Variants in RFWD3 observed in about 807,000 individuals in gnomAD.
RFWD3 encodes the protein ring finger and WD repeat domain 3.
Under a neutral mutation model 87.7 loss-of-function variants are expected in RFWD3, and 65 were observed. That is an observed-to-expected ratio of 0.74 (90% CI 0.61 to 0.91). The LOEUF is 0.91. RFWD3 is among the 40% of genes least tolerant of loss of function. The pLI, the probability that RFWD3 is intolerant of heterozygous loss-of-function variation, is 0.00. For synonymous variants in RFWD3, 433 were observed against 352.8 expected (o/e 1.23, Z -2.55); for missense variants, 1,078 against 938.5 (o/e 1.15, Z -1.94).
intron 11 of RFWD3, among the ~76,000 whole-genome samples, chr16:74,627,556 G>A (rs1958973790): frequency 6.6e-6 from 1 of 152,104 alleles, no homozygotes; most frequent in African/African-American, 2.4e-5. Flanking sequence ...CCTCCTTTGT[G>A]TCTCACCTGA....
At position 74,623,077 on chromosome 16, in the gene RFWD3, T is replaced by C. The variant is rs146756215; in HGVS notation, c.*851A>G. On this transcript the variant is annotated 3_prime_UTR_variant, in exon 13 of 13. Coordinates refer to ENST00000361070, the MANE Select transcript of RFWD3 (RefSeq NM_018124.4). Reference sequence around the variant, plus strand: ...TAAAAGCTTTGACCTATCACTCATCTTTTCCTGGCAAGAGATAGTGTTCTT... The same window carrying C: ...TAAAAGCTTTGACCTATCACTCATCCTTTCCTGGCAAGAGATAGTGTTCTT... 3.9e-5 allele frequency: 6 copies of C among 152,322 alleles called. 1 individual carries two copies. Among genetic ancestry groups the C allele is most frequent in the African/African-American group, 1.4e-4 (6 of 41,572 alleles). 9.4% of individuals were successfully genotyped at this position (152,322 alleles called of 1,614,324 possible). A position where few individuals can be genotyped will look rare whatever the true frequency, so the allele number is the denominator to read the frequency against.
At chr16:74,634,825 G>C (rs1959180371) in intron 8 of RFWD3, among the ~76,000 whole-genome samples, 2 of 151,824 alleles carry the variant, frequency 1.3e-5, no homozygotes, top group Admixed American at 6.6e-5. Flanking sequence ...AAGGGGGGAA[G>C]GGGGGCGCAG....
chr16:74,659,183 T>G (rs1961236621), intron 2 of RFWD3, among the ~76,000 whole-genome samples: 1 of 152,210 alleles, frequency 6.6e-6, no homozygotes, highest in South Asian at 2.1e-4. Context: ...CAAGTCACTG[T>G]GCTTGACCAA....
At position 74,626,225 on chromosome 16, in the gene RFWD3, G is replaced by C; in HGVS notation, c.2181+118C>G. 4.7e-6 allele frequency: 4 copies of C among 852,670 alleles called. No individual in the cohort carries two copies. The South Asian group carries it at 6.2e-5, about 13-fold the overall frequency. 52.8% of individuals were successfully genotyped at this position (852,670 alleles called of 1,614,324 possible). A position where few individuals can be genotyped will look rare whatever the true frequency, so the allele number is the denominator to read the frequency against. On this transcript the variant is annotated intron_variant, in intron 12 of 12. Transcript: ENST00000361070. ...ACATATGCGGATATGTGGGATTACA[G>C]AGCAGAACTTACACTTTTTTGCTAT...
In RFWD3 at chr16:74,624,043, A is replaced by G; in HGVS notation, c.2210T>C (p.Leu737Pro). 6.2e-7 allele frequency: 1 copy of G among 1,613,770 alleles called. No homozygotes were observed. The highest frequency in any genetic ancestry group is 2.2e-5 in the East Asian group (1 of 44,858). The change falls in exon 13 of 13, where the codon CTC becomes CCC. Residue 737 changes from leucine (L) to proline (P), a missense_variant. By Grantham distance (98) the Leu-to-Pro change is moderately conservative (BLOSUM62 -3). Coordinates refer to ENST00000361070, the MANE Select transcript of RFWD3 (RefSeq NM_018124.4). ...AGGCTGATCGGTCTGTAGGTCCTGG[A>G]GCAACGAGCCACTGGCAGCATCCCA... ...LLWDAASGSL[L>P]QDLQTDQPVL...
chr16:74,645,084 A>G (rs1567577747), intron 4 of RFWD3, among the ~76,000 whole-genome samples: 1 of 152,280 alleles, frequency 6.6e-6, no homozygotes, highest in Non-Finnish European at 1.5e-5. Context: ...AATGCTTACA[A>G]GAAAACACAA....
At chr16:74,663,104 CTG>C (rs1961591703) in intron 1 of RFWD3, among the ~76,000 whole-genome samples, 1 of 152,042 alleles carries the variant, frequency 6.6e-6, no homozygotes, top group African/African-American at 2.4e-5. Context: ...CGGGGTTTCA[CTG>C]TGTTAGCCAG....
intron 4 of RFWD3, among the ~76,000 whole-genome samples, chr16:74,648,902 T>C (rs1024045049): frequency 7.9e-5 from 12 of 151,924 alleles, no homozygotes; most frequent in South Asian, 4.2e-4. Flanking sequence ...CTGGGTAATA[T>C]AGTGAGACTC....
At position 74,661,361 on chromosome 16, in the gene RFWD3, T is replaced by C. The variant is rs549873711; in HGVS notation, c.89A>G (p.Gln30Arg). The change falls in exon 2 of 13, where the codon CAA (glutamine) becomes CGA (arginine). Residue 30 changes from glutamine (Q) to arginine (R), a missense_variant. Physicochemically the swap from Gln to Arg is conservative, Grantham distance 43. Transcript: ENST00000361070. ...QPAPAGMASS[Q>R]GGPALLQPVP... ...AGGCTGGAGGAGGGCTGGTCCCCCT[T>C]GGCTGCTGGCCATGCCAGCAGGAGC... 7 of 1,614,060 alleles carry C rather than the reference T, an allele frequency of 4.3e-6. No individual in the cohort carries two copies. In the South Asian group the frequency reaches 6.6e-5, roughly 15 times the overall value.
intron 2 of RFWD3, among the ~76,000 whole-genome samples, chr16:74,657,821 T>C (rs1436478671): frequency 6.6e-6 from 1 of 152,172 alleles, no homozygotes; most frequent in Non-Finnish European, 1.5e-5. Context: ...ACTCCATTTC[T>C]TGAGATTCTA....
intron 9 of RFWD3, among the ~76,000 whole-genome samples, chr16:74,631,165 T>C (rs565070292): frequency 1.3e-5 from 2 of 152,294 alleles, no homozygotes; most frequent in South Asian, 4.1e-4. Context: ...CAGGTTTTCC[T>C]CTTGAGTTCT....
At position 74,636,445 on chromosome 16, in the gene RFWD3, T is replaced by C. The variant is rs781011921; in HGVS notation, c.1327A>G (p.Thr443Ala). Residue 443 changes from threonine to alanine, a missense_variant, in exon 8 of 13, where the codon ACA (threonine) becomes GCA (alanine). Transcript: ENST00000361070. ...CGGCAGTTTCCTGCCTGAGATACTG[T>C]GAAGGTCTTTTGGAAGTGGTACTTG... is the stretch of plus-strand genomic sequence containing the variant. The part of the protein sequence containing the change: ...KHKYHFQKTF[T>A]VSQAGNCRIM... 20 of 1,614,124 alleles carry C rather than the reference T, an allele frequency of 1.2e-5. No homozygotes were observed. In the South Asian group the frequency reaches 2.0e-4, roughly 16 times the overall value.
intron 4 of RFWD3, among the ~76,000 whole-genome samples, chr16:74,645,595 C>A (rs1597438665): frequency 6.6e-6 from 1 of 152,220 alleles, no homozygotes; most frequent in East Asian, 1.9e-4. Flanking sequence ...TCAAGTGATC[C>A]GCCCGCCTTG....
At chr16:74,641,796 G>C (rs1299845570) in intron 6 of RFWD3, among the ~76,000 whole-genome samples, 3 of 151,290 alleles carry the variant, frequency 2.0e-5, no homozygotes, top group Non-Finnish European at 4.4e-5. Context: ...CATGGTGAAA[G>C]GCGCCTGTAA....
At chr16:74,657,275 G>T (rs1961059557) in intron 2 of RFWD3, among the ~76,000 whole-genome samples, 1 of 152,134 alleles carries the variant, frequency 6.6e-6, no homozygotes, top group South Asian at 2.1e-4. Flanking sequence ...ACAAGAATAA[G>T]GAATGCCATA....
chr16:74,641,938 A>C (rs1959688101), intron 6 of RFWD3, among the ~76,000 whole-genome samples: 1 of 150,454 alleles, frequency 6.6e-6, no homozygotes, highest in Admixed American at 6.6e-5. Context: ...CAAAAAAAAA[A>C]AAAAAAAAAA....
At chr16:74,645,464 A>G (rs953159892) in intron 4 of RFWD3, among the ~76,000 whole-genome samples, 9 of 152,226 alleles carry the variant, frequency 5.9e-5, no homozygotes, top group African/African-American at 2.2e-4. Flanking sequence ...TAGACGGTGT[A>G]AACTATTACA....
At chr16:74,642,823 TG>T (rs1265058796) in intron 6 of RFWD3, among the ~76,000 whole-genome samples, 1 of 152,170 alleles carries the variant, frequency 6.6e-6, no homozygotes, top group Non-Finnish European at 1.5e-5. Flanking sequence ...CAAAGCAATA[TG>T]GCAAAACATT....
chr16:74,659,268 C>G (rs554230936), intron 2 of RFWD3, among the ~76,000 whole-genome samples: 5 of 152,262 alleles, frequency 3.3e-5, no homozygotes, highest in African/African-American at 1.2e-4. Flanking sequence ...AAGAGGCCTC[C>G]TGACAGTCAG....
Sources: allele counts gnomAD v4.1 joint callset (sites outside exome capture counted in the v4.1 genomes callset), GRCh38; gene constraint gnomAD v4.1.1; transcripts MANE v1.5; gene names NCBI Gene and HGNC (gene_info 2026-07-23, HGNC 2026-07-21).